The following SENP5 variants were observed in gnomAD, a reference collection of about 807,000 sequenced individuals.
SENP5 encodes the protein SUMO specific peptidase 5.
SENP5 carries 21 observed loss-of-function variants against 74.2 expected under a neutral mutation model. The observed-to-expected ratio is 0.28, with a 90% CI of 0.20 to 0.41. SENP5 has a LOEUF of 0.41. Among genes scored for constraint, SENP5 ranks in the 10% least tolerant of loss-of-function variants. The probability of loss-of-function intolerance (pLI) is 1.00; values close to 1 mark genes in which losing one functional copy is unlikely to be tolerated. For synonymous variants in SENP5, 311 were observed against 312.7 expected (o/e 0.99, Z 0.06); for missense variants, 717 against 889.1 (o/e 0.81, Z 2.46).
rs373674009 is a variant in SENP5, at chr3:196,929,715, A to G, written c.2157+32A>G. 3.4e-4 allele frequency: 503 copies of G among 1,487,282 alleles called. 18 individuals are homozygous for G. The South Asian group carries it at 4.7e-3, about 14-fold the overall frequency. 92.1% of individuals were successfully genotyped at this position (1,487,282 alleles called of 1,614,324 possible). A position where few individuals can be genotyped will look rare whatever the true frequency, so the allele number is the denominator to read the frequency against. On this transcript the variant is annotated intron_variant, in intron 9 of 9. Transcript: ENST00000323460. ...AAACACTTGCTTTTCGGAACTTACAATGTGTGAATTGAGTCTGTTGGGTTG... is the reference window on the plus strand; with the variant it reads ...AAACACTTGCTTTTCGGAACTTACAGTGTGTGAATTGAGTCTGTTGGGTTG...
intron 1 of SENP5, among the ~76,000 whole-genome samples, chr3:196,869,621 G>A (rs1369727106): frequency 6.6e-6 from 1 of 151,692 alleles, no homozygotes; most frequent in Admixed American, 6.6e-5. Flanking sequence ...TTAGCCAGGC[G>A]TGGTGGCGCA....
chr3:196,922,275 A>G (rs374625222), intron 6 of SENP5, among the ~76,000 whole-genome samples: 1 of 152,354 alleles, frequency 6.6e-6, no homozygotes, highest in East Asian at 1.9e-4. Flanking sequence ...ATCAAGGTGC[A>G]AAGAAGCTAA....
At chr3:196,907,002 T>C (rs1714927579) in intron 6 of SENP5, among the ~76,000 whole-genome samples, 1 of 152,118 alleles carries the variant, frequency 6.6e-6, no homozygotes, top group Non-Finnish European at 1.5e-5. Context: ...AAGTTGGTTA[T>C]GGAGATGAAG....
At chr3:196,871,775 A>C (rs969485519) in intron 1 of SENP5, among the ~76,000 whole-genome samples, 7 of 151,746 alleles carry the variant, frequency 4.6e-5, no homozygotes, top group African/African-American at 7.3e-5. Context: ...GAATCTCTTG[A>C]ACCTGGGAGG....
chr3:196,920,267 A>ATG (rs1345183330), intron 6 of SENP5, among the ~76,000 whole-genome samples: 1 of 152,206 alleles, frequency 6.6e-6, no homozygotes, highest in East Asian at 1.9e-4. Context: ...TCTTACATAT[A>ATG]CATTCTTGTT....
chr3:196,908,629 G>T (rs190304398), intron 6 of SENP5, among the ~76,000 whole-genome samples: 3 of 152,124 alleles, frequency 2.0e-5, no homozygotes, highest in African/African-American at 4.8e-5. Context: ...TTTGAGATGA[G>T]CCTGACCAAC....
intron 2 of SENP5, among the ~76,000 whole-genome samples, chr3:196,897,458 G>A (rs1205887638): frequency 2.0e-5 from 3 of 152,210 alleles, no homozygotes; most frequent in Non-Finnish European, 4.4e-5. Context: ...ATGGACGTGA[G>A]AAAGGACCTC....
chr3:196,891,437 G>T (rs1389756654), intron 2 of SENP5, among the ~76,000 whole-genome samples: 2 of 152,062 alleles, frequency 1.3e-5, no homozygotes, highest in Non-Finnish European at 2.9e-5. Context: ...AAATTTTGTG[G>T]TGTGTGAATC....
chr3:196,900,102 A>G, intron 4 of SENP5, 40 bp downstream of exon 4: 1 of 1,587,170 alleles, frequency 6.3e-7, no homozygotes, highest in Non-Finnish European at 8.6e-7. Flanking sequence ...GAAGTTGCAG[A>G]GGATGTTAGT....
At chr3:196,919,625 G>C (rs746892755) in intron 6 of SENP5, among the ~76,000 whole-genome samples, 7 of 152,120 alleles carry the variant, frequency 4.6e-5, no homozygotes, top group Middle Eastern at 3.4e-3. Context: ...GAAACCCCGT[G>C]TCTACTAAAA....
At chr3:196,868,783 TAAATG>T (rs1713062575) in intron 1 of SENP5, among the ~76,000 whole-genome samples, 1 of 152,186 alleles carries the variant, frequency 6.6e-6, no homozygotes, top group South Asian at 2.1e-4. Flanking sequence ...TTTGGAGAAT[TAAATG>T]AAGAAAGCAG....
At position 196,899,738 on chromosome 3, in the gene SENP5, T is replaced by G; in HGVS notation, c.1586T>G (p.Leu529Ter). 6.2e-7 allele frequency: 1 copy of G among 1,608,062 alleles called. No individual in the cohort carries two copies. Among genetic ancestry groups the G allele is most frequent in the Non-Finnish European group, 8.5e-7 (1 of 1,174,692 alleles). The change falls in exon 3 of 10, where the codon TTA becomes TGA. Residue 529 changes from leucine (L) to a stop codon, truncating the protein, a stop_gained. Transcript: ENST00000323460. LOFTEE classifies it high-confidence loss of function. ...PLSEKEVLGR[L>*]KDVFNEDFSN... is the part of the protein sequence containing the mutation. ...AGTGAAAAAGAAGTCCTTGGAAGAT[T>G]AAAAGATGTCTTTAATGAAGACTTT...
chr3:196,930,873 G>C lies in SENP5; in HGVS notation c.2218G>C (p.Val740Leu). The C allele has an allele frequency of 1.9e-6, 3 of 1,614,102 alleles. No individual in the cohort carries two copies. Among genetic ancestry groups the C allele is most frequent in the Non-Finnish European group, 2.5e-6 (3 of 1,180,004 alleles). ...GTTTTCACAAGAAGACATGCCCCGA[G>C]TGCGGAAGAGGATTTACAAGGAGCT... ...FQFSQEDMPR[V>L]RKRIYKELCE... is the part of the protein sequence containing the mutation. Residue 740 changes from valine (V) to leucine (L), a missense_variant, in exon 10 of 10, where the codon GTG (valine) becomes CTG (leucine). By Grantham distance (32) the Val-to-Leu change is conservative. This residue lies in a region of SENP5 where 85 missense variants were observed against 188.9 expected (regional missense o/e 0.45). Transcript: ENST00000323460.
chr3:196,888,736 C>T (rs1239559686), intron 2 of SENP5, among the ~76,000 whole-genome samples: 1 of 152,000 alleles, frequency 6.6e-6, no homozygotes, highest in Non-Finnish European at 1.5e-5. Flanking sequence ...ATATTATTAC[C>T]ATTGGCTTTG....
intron 6 of SENP5, among the ~76,000 whole-genome samples, chr3:196,911,535 C>T (rs1473581704): frequency 4.1e-5 from 6 of 146,814 alleles, no homozygotes; most frequent in Admixed American, 3.5e-4. Flanking sequence ...CCAGCCTGGG[C>T]GACAGAGTGA....
intron 2 of SENP5, among the ~76,000 whole-genome samples, chr3:196,894,281 G>A (rs575758436): frequency 1.4e-4 from 21 of 151,694 alleles, no homozygotes; most frequent in Admixed American, 5.3e-4. Context: ...CCGCCACCAC[G>A]CCCGGCTAAT....
At position 196,921,940 on chromosome 3, in the gene SENP5, T is replaced by G. The variant is rs376333283; in HGVS notation, c.1885-1474T>G. The stretch of plus-strand genomic sequence containing the variant: ...AAATTGATTCACTCTTTTACAAATG[T>G]ATGTGGAGCACTTACTACTTTATCA... On this transcript the variant is annotated intron_variant, in intron 6 of 9. Transcript: ENST00000323460. Among the ~76,000 whole-genome samples, 105 of 152,350 alleles carry G rather than the reference T, an allele frequency of 6.9e-4. 3 individuals carry two copies. Among genetic ancestry groups the G allele is most frequent in the East Asian group, 2.3e-3 (12 of 5,194 alleles).
intron 6 of SENP5, among the ~76,000 whole-genome samples, chr3:196,918,819 ACTC>A (rs1478496415): frequency 2.6e-5 from 4 of 151,818 alleles, no homozygotes; most frequent in African/African-American, 4.9e-5. Flanking sequence ...AAAAACCAGA[ACTC>A]CTCTTTTTCC....
intron 8 of SENP5, among the ~76,000 whole-genome samples, chr3:196,928,147 C>G (rs577176149): frequency 6.6e-6 from 1 of 152,138 alleles, no homozygotes; most frequent in African/African-American, 2.4e-5. Context: ...AAAAAAAAAT[C>G]TTTTTTGGGT....
Sources: allele counts gnomAD v4.1 joint callset (sites outside exome capture counted in the v4.1 genomes callset), GRCh38; gene constraint gnomAD v4.1.1; regional missense constraint gnomAD v4.1.1; transcripts MANE v1.5; gene names NCBI Gene and HGNC (gene_info 2026-07-23, HGNC 2026-07-21).